Variants in RSF1 observed in about 807,000 individuals in gnomAD.
The protein encoded by RSF1 is remodeling and spacing factor 1.
Under a neutral mutation model 145.2 loss-of-function variants are expected in RSF1, and 13 were observed. The ratio of observed to expected loss-of-function variants is 0.09; its 90% CI spans 0.06 to 0.14. The LOEUF is 0.14. Ranked by LOEUF, RSF1 falls within the 10% of genes least tolerant of loss-of-function variation. The probability of loss-of-function intolerance (pLI) is 1.00; values close to 1 mark genes in which losing one functional copy is unlikely to be tolerated. For missense variants in RSF1, 1,517 were observed against 1,718.2 expected, an observed-to-expected ratio of 0.88 and a Z score of 2.07; for synonymous variants, 577 against 592.6, an observed-to-expected ratio of 0.97 and a Z score of 0.38.
chr11:77,694,034 C>T (rs865943994), intron 7 of RSF1, among the ~76,000 whole-genome samples: 31 of 152,138 alleles, frequency 2.0e-4, no homozygotes, highest in African/African-American at 7.5e-4. Context: ...CCACCCACCT[C>T]GGCCTCCCAA....
At chr11:77,755,728 C>T (rs575592866) in intron 2 of RSF1, among the ~76,000 whole-genome samples, 16 of 152,038 alleles carry the variant, frequency 1.1e-4, no homozygotes, top group Admixed American at 8.5e-4. Context: ...TACAGGTACG[C>T]GCCACCATGC....
At chr11:77,788,625 G>A (rs1432996955) in intron 1 of RSF1, among the ~76,000 whole-genome samples, 2 of 151,884 alleles carry the variant, frequency 1.3e-5, no homozygotes, top group Non-Finnish European at 2.9e-5. Flanking sequence ...AATAACAGTC[G>A]TGGCATGCAT....
chr11:77,799,033 A>T (rs1208048870), intron 1 of RSF1, among the ~76,000 whole-genome samples: 3 of 152,030 alleles, frequency 2.0e-5, no homozygotes, highest in African/African-American at 7.2e-5. Context: ...ATGGGACTAT[A>T]TTAAATTAAA....
At chr11:77,829,629 G>A in the RSF1 span, 2 of 152,178 alleles carry the variant, frequency 1.3e-5, no homozygotes, top group East Asian at 1.9e-4. Flanking sequence ...GACTACATTT[G>A]TGAGACCTGA....
At chr11:77,671,095 G>T (rs1392887153) in intron 15 of RSF1, among the ~76,000 whole-genome samples, 10 of 54,050 alleles carry the variant, frequency 1.9e-4, no homozygotes, top group Non-Finnish European at 3.1e-4. Flanking sequence ...GACAGAGTAA[G>T]ACTCTGTCAC....
intron 1 of RSF1, among the ~76,000 whole-genome samples, chr11:77,812,497 C>T (rs971679108): frequency 2.6e-5 from 4 of 152,310 alleles, no homozygotes; most frequent in African/African-American, 9.6e-5. Flanking sequence ...ACATTATATA[C>T]TTCATGTTGC....
At chr11:77,692,282 T>C (rs546450910) in intron 8 of RSF1, among the ~76,000 whole-genome samples, 31 of 83,518 alleles carry the variant, frequency 3.7e-4, no homozygotes, top group African/African-American at 9.3e-4. Context: ...TCTCGCTCTG[T>C]TGCCCAGGCT....
At chr11:77,812,038 T>C (rs4945217) in intron 1 of RSF1, among the ~76,000 whole-genome samples, 26,842 of 151,904 alleles carry the variant, frequency 0.18, 2,950 homozygotes, top group African/African-American at 0.29. Context: ...TTTAGCTGGG[T>C]GTGGTGGCAC....
At chr11:77,703,866 T>G (rs920259949) in intron 5 of RSF1, among the ~76,000 whole-genome samples, 20 of 152,210 alleles carry the variant, frequency 1.3e-4, no homozygotes, top group African/African-American at 4.6e-4. Context: ...ATTACCTAAG[T>G]TGCATGTTTT....
chr11:77,781,604 T>C (rs1948405332), intron 1 of RSF1, among the ~76,000 whole-genome samples: 1 of 152,260 alleles, frequency 6.6e-6, no homozygotes, highest in Admixed American at 6.5e-5. Flanking sequence ...TTCCAACTGT[T>C]TCACATCCTC....
chr11:77,794,297 A>C (rs2135969972), intron 1 of RSF1, among the ~76,000 whole-genome samples: 1 of 152,340 alleles, frequency 6.6e-6, no homozygotes, highest in African/African-American at 2.4e-5. Flanking sequence ...AGTCTCAATT[A>C]ATTTTAAGAA....
chr11:77,801,644 C>T (rs948259486), intron 1 of RSF1, among the ~76,000 whole-genome samples: 11 of 151,918 alleles, frequency 7.2e-5, no homozygotes, highest in African/African-American at 2.4e-4. Flanking sequence ...TCTTAAATCC[C>T]GTGGAATTTC....
intron 5 of RSF1, among the ~76,000 whole-genome samples, chr11:77,721,374 C>T (rs1305706599): frequency 6.6e-6 from 1 of 152,098 alleles, no homozygotes; most frequent in Non-Finnish European, 1.5e-5. Flanking sequence ...TTTGGTCTTG[C>T]CATGGAATAG....
chr11:77,698,700 TA>T lies in RSF1; in HGVS notation c.2509-8del, dbSNP rs1029397450. 5 of 1,609,994 alleles carry T rather than the reference TA, an allele frequency of 3.1e-6. No individual in the cohort carries two copies. In the African/African-American group the frequency reaches 5.4e-5, roughly 17 times the overall value. Reference sequence around the variant, plus strand: ...CTTTGCCTTTGGGTTTTACCTTGTATAAAATAAAAAAAATTGGGATAATTTG... The same window carrying T: ...CTTTGCCTTTGGGTTTTACCTTGTATAAATAAAAAAAATTGGGATAATTTG... On this transcript the variant is annotated splice_region_variant and splice_polypyrimidine_tract_variant and intron_variant, in intron 6 of 15. Coordinates refer to ENST00000308488, the MANE Select transcript of RSF1 (RefSeq NM_016578.4).
At chr11:77,732,812 A>G (rs1961240462) in intron 4 of RSF1, among the ~76,000 whole-genome samples, 1 of 152,206 alleles carries the variant, frequency 6.6e-6, no homozygotes, top group Non-Finnish European at 1.5e-5. Context: ...CAAATTGCCC[A>G]GTCTTGGGTA....
intron 1 of RSF1, among the ~76,000 whole-genome samples, chr11:77,780,394 C>T (rs564189017): frequency 6.6e-6 from 1 of 152,280 alleles, no homozygotes; most frequent in African/African-American, 2.4e-5. Flanking sequence ...TGCAATCAAC[C>T]ATTCCATGCC....
intron 3 of RSF1, among the ~76,000 whole-genome samples, chr11:77,745,336 T>C (rs1341788213): frequency 6.6e-6 from 1 of 152,152 alleles, no homozygotes. Flanking sequence ...TTCGTTCTTC[T>C]AGTTTCTTGC....
chr11:77,765,749 T>G (rs1948218854), intron 1 of RSF1, among the ~76,000 whole-genome samples: 1 of 152,162 alleles, frequency 6.6e-6, no homozygotes, highest in South Asian at 2.1e-4. Flanking sequence ...AAATAAGCAT[T>G]TTTCTTTTTT....
At chr11:77,734,768 T>C (rs1961299674) in intron 4 of RSF1, 3 of 1,588,152 alleles carry the variant, frequency 1.9e-6, no homozygotes, top group African/African-American at 2.7e-5. Context: ...TCTGGTTTTT[T>C]GATATCCTGA....
Sources: gnomAD v4.1 joint callset for allele counts (sites outside exome capture counted in the v4.1 genomes callset) on GRCh38, gnomAD v4.1.1 for gene constraint, MANE v1.5 for transcripts, NCBI Gene and HGNC (gene_info 2026-07-23, HGNC 2026-07-21) for gene names.